Variants in ASIC5 observed in about 807,000 individuals in gnomAD.
ASIC5 encodes bile acid-sensitive ion channel.
Under a neutral mutation model 51.2 loss-of-function variants are expected in ASIC5, and 52 were observed. The observed-to-expected ratio is 1.02, with a 90% CI of 0.81 to 1.28. ASIC5 has a LOEUF of 1.28. Among genes scored for constraint, ASIC5 ranks in the 50% most tolerant of loss-of-function variants. ASIC5 has a pLI of 0.00. For missense variants in ASIC5, 635 were observed against 595.0 expected (o/e 1.07, Z -0.70); for synonymous variants, 231 against 200.7 (o/e 1.15, Z -1.28).
chr4:155,838,888 A>G lies in ASIC5; in HGVS notation c.1010-19T>C, dbSNP rs1481864866. On this transcript the variant is annotated intron_variant, in intron 6 of 9. Coordinates refer to ENST00000537611, the MANE Select transcript of ASIC5 (RefSeq NM_017419.3). The stretch of plus-strand genomic sequence containing the variant: ...CCATATCCTTAAAAATAATAAGTGT[A>G]ACATATAGAGACTTTACATTTTGTA... 5.0e-6 allele frequency: 7 copies of G among 1,406,732 alleles called. No homozygotes were observed. The highest frequency in any genetic ancestry group is 7.0e-6 in the Non-Finnish European group (7 of 1,002,402). 87.1% of individuals were successfully genotyped at this position (1,406,732 alleles called of 1,614,324 possible). A position where few individuals can be genotyped will look rare whatever the true frequency, so the allele number is the denominator to read the frequency against.
Position 155,854,214 on chromosome 4 carries a change from C to T in ASIC5, c.448G>A (p.Gly150Ser). 1.2e-6 allele frequency: 2 copies of T among 1,613,226 alleles called. No homozygotes were observed. Among genetic ancestry groups the T allele is most frequent in the Non-Finnish European group, 1.7e-6 (2 of 1,179,520 alleles). Residue 150 changes from glycine to serine, a missense_variant, in exon 3 of 10, where the codon GGC becomes AGC. Coordinates refer to ENST00000537611, the MANE Select transcript of ASIC5 (RefSeq NM_017419.3). Reference sequence around the variant, plus strand: ...GCAAAATCAGTAGCCTCTCTAGAGCCAGTGGAATTGGCAGTAATTTCTTGA... The same window carrying T: ...GCAAAATCAGTAGCCTCTCTAGAGCTAGTGGAATTGGCAGTAATTTCTTGA... The part of the protein sequence containing the change: ...HLQEITANST[G>S]SREATDFAAS...
At chr4:155,838,673 A>T in intron 7 of ASIC5, 140 bp downstream of exon 7, 1 of 501,724 alleles carries the variant, frequency 2.0e-6, no homozygotes, top group Admixed American at 4.0e-5. Flanking sequence ...CTACTATTTA[A>T]GAACACTTAC....
intron 2 of ASIC5, among the ~76,000 whole-genome samples, chr4:155,857,088 C>T (rs1031112905): frequency 6.6e-6 from 1 of 152,010 alleles, no homozygotes; most frequent in South Asian, 2.1e-4. Context: ...TATTGTTTTG[C>T]ATAAAACAAA....
chr4:155,834,973 T>A (rs1740943751), intron 8 of ASIC5, among the ~76,000 whole-genome samples: 1 of 152,026 alleles, frequency 6.6e-6, no homozygotes, highest in African/African-American at 2.4e-5. Flanking sequence ...TCCCACTCCA[T>A]ACCCCCTTCT....
chr4:155,839,908 C>A (rs1314250270), intron 6 of ASIC5, among the ~76,000 whole-genome samples: 1 of 151,898 alleles, frequency 6.6e-6, no homozygotes, highest in Non-Finnish European at 1.5e-5. Flanking sequence ...TGGAAATAAC[C>A]AATATCTGAA....
At chr4:155,864,812 G>A (rs1235243234) in intron 1 of ASIC5, 1 of 152,122 alleles carries the variant, frequency 6.6e-6, no homozygotes, top group African/African-American at 2.4e-5. Context: ...TAGTGGTGAT[G>A]TGGTAAATAG....
At chr4:155,845,859 A>C (rs1237281731) in intron 4 of ASIC5, among the ~76,000 whole-genome samples, 2 of 152,104 alleles carry the variant, frequency 1.3e-5, no homozygotes, top group African/African-American at 4.8e-5. Context: ...AAGCAAATTT[A>C]AGGCTATTTA....
chr4:155,839,922 C>G lies in ASIC5; in HGVS notation c.1010-1053G>C, dbSNP rs559181744. On this transcript the variant is annotated intron_variant, in intron 6 of 9. Coordinates refer to ENST00000537611, the MANE Select transcript of ASIC5 (RefSeq NM_017419.3). ...TTGGAAATAACCAATATCTGAAAAG[C>G]TGTTTTGGAGATTGCTTCCTCAAAT... Among the ~76,000 whole-genome samples, 5 of 152,148 alleles carry G rather than the reference C, an allele frequency of 3.3e-5. No individual in the cohort carries two copies. The South Asian group carries it at 1.0e-3, about 32-fold the overall frequency.
chr4:155,850,758 C>T (rs971083036), intron 4 of ASIC5, among the ~76,000 whole-genome samples: 1 of 151,970 alleles, frequency 6.6e-6, no homozygotes, highest in Non-Finnish European at 1.5e-5. Flanking sequence ...AATCCCTGCC[C>T]TTATGTTAAA....
intron 4 of ASIC5, among the ~76,000 whole-genome samples, chr4:155,846,752 A>G (rs955985672): frequency 6.6e-6 from 1 of 152,152 alleles, no homozygotes; most frequent in Non-Finnish European, 1.5e-5. Flanking sequence ...CTTGTAGACA[A>G]ACATGTCGTA....
Position 155,866,205 on chromosome 4 carries a change from T to C in ASIC5, c.22A>G (p.Lys8Glu). The change falls in exon 1 of 10, where the codon AAA becomes GAA. Residue 8 changes from lysine (K) to glutamate (E), a missense_variant. Transcript: ENST00000537611. MEQTEKSKVYAENGLLEK... is the reference protein window; with the variant it reads MEQTEKSEVYAENGLLEK... Reference sequence around the variant, plus strand: ...TACTCACCGTTCTCAGCATATACTTTTGATTTTTCTGTCTGCTCCATTTGT... The same window carrying C: ...TACTCACCGTTCTCAGCATATACTTCTGATTTTTCTGTCTGCTCCATTTGT... The C allele has an allele frequency of 6.2e-7, 1 of 1,608,988 alleles. No homozygotes were observed. The highest frequency in any genetic ancestry group is 8.5e-7 in the Non-Finnish European group (1 of 1,176,110).
At chr4:155,857,606 T>C (rs912555074) in intron 2 of ASIC5, among the ~76,000 whole-genome samples, 2 of 152,130 alleles carry the variant, frequency 1.3e-5, no homozygotes, top group Admixed American at 1.3e-4. Context: ...TTATTAGATA[T>C]GTCTTTCTTA....
intron 2 of ASIC5, among the ~76,000 whole-genome samples, chr4:155,855,741 T>C (rs1221232118): frequency 1.3e-5 from 2 of 149,902 alleles, no homozygotes; most frequent in Admixed American, 1.3e-4. Context: ...TATATATACA[T>C]ATATATAAAG....
intron 1 of ASIC5, among the ~76,000 whole-genome samples, chr4:155,865,292 A>C (rs1394245367): frequency 6.6e-6 from 1 of 152,102 alleles, no homozygotes; most frequent in Non-Finnish European, 1.5e-5. Context: ...AACATGTATC[A>C]AGTAACTGGC....
chr4:155,838,813 C>A lies in ASIC5; in HGVS notation c.1066G>T (p.Asp356Tyr). 1 of 1,569,680 alleles carries A rather than the reference C, an allele frequency of 6.4e-7. No homozygotes were observed. Among genetic ancestry groups the A allele is most frequent in the Non-Finnish European group, 8.7e-7 (1 of 1,143,214 alleles). Residue 356 changes from aspartate to tyrosine, a missense_variant and splice_region_variant, in exon 7 of 10, where the codon GAC becomes TAC. Physicochemically the swap from Asp to Tyr is radical, Grantham distance 160 (BLOSUM62 -3). Coordinates refer to ENST00000537611, the MANE Select transcript of ASIC5 (RefSeq NM_017419.3). Reference protein sequence around the residue: ...KYFSCVSPVLDHIEFKDLCTV... With the variant: ...KYFSCVSPVLYHIEFKDLCTV... ...AAATAAAAGTAAATTAAGCACTTAC[C>A]AAGTACAGGAGAAACACAGCTGAAG...
intron 4 of ASIC5, among the ~76,000 whole-genome samples, chr4:155,848,022 T>C (rs778292352): frequency 3.3e-5 from 5 of 152,124 alleles, no homozygotes; most frequent in Admixed American, 1.3e-4. Context: ...ATGGAAGTTA[T>C]ATTTTATGGT....
chr4:155,855,994 C>T (rs961928099), intron 2 of ASIC5, among the ~76,000 whole-genome samples: 1 of 151,998 alleles, frequency 6.6e-6, no homozygotes, highest in Admixed American at 6.6e-5. Flanking sequence ...CATCTTGTCT[C>T]TCTGAAGAAG....
chr4:155,865,905 A>G (rs1453091973), intron 1 of ASIC5, among the ~76,000 whole-genome samples: 1 of 152,194 alleles, frequency 6.6e-6, no homozygotes, highest in Non-Finnish European at 1.5e-5. Flanking sequence ...TAAAACCTGC[A>G]GGCCCAGGAT....
rs771533226 is a variant in ASIC5, at chr4:155,843,708, G to A, written c.834C>T (p.His278=). Residue 278 remains histidine, a synonymous_variant, in exon 5 of 10, where the codon CAC becomes CAT. Coordinates refer to ENST00000537611, the MANE Select transcript of ASIC5 (RefSeq NM_017419.3). ...TCACTTGGCGGATGGTTACCCTTGC[G>A]TGCATTCCCACAGGTGACAACAAGC... ...GLGLLSPVGM[H]ARVTIRQVKT... The A allele has an allele frequency of 2.3e-5, 37 of 1,613,308 alleles. No individual in the cohort carries two copies. The South Asian group carries it at 2.5e-4, about 11-fold the overall frequency.
Sources: gnomAD v4.1 joint callset for allele counts (sites outside exome capture counted in the v4.1 genomes callset) on GRCh38, gnomAD v4.1.1 for gene constraint, MANE v1.5 for transcripts, NCBI Gene and HGNC (gene_info 2026-07-23, HGNC 2026-07-21) for gene names.